Variants in DOCK7 observed in about 807,000 individuals in gnomAD.
DOCK7 encodes the protein dedicator of cytokinesis 7.
Under a neutral mutation model 271.0 loss-of-function variants are expected in DOCK7, and 138 were observed. That is an observed-to-expected ratio of 0.51 (90% CI 0.44 to 0.59). The LOEUF is 0.59. DOCK7 is among the 20% of genes least tolerant of loss of function. The probability of loss-of-function intolerance (pLI) is 0.00; values close to 1 mark genes in which losing one functional copy is unlikely to be tolerated. For synonymous variants in DOCK7, 823 were observed against 876.1 expected (o/e 0.94, Z 1.07); for missense variants, 2,066 against 2,592.4 (o/e 0.80, Z 4.41).
intron 44 of DOCK7, chr1:62,477,205 T>C (rs1279385199): frequency 6.6e-6 from 1 of 152,176 alleles, no homozygotes. Flanking sequence ...TAAAACGCAA[T>C]CATTTATGGT....
chr1:62,574,305 A>C (rs566763377), intron 18 of DOCK7, among the ~76,000 whole-genome samples: 1 of 152,318 alleles, frequency 6.6e-6, no homozygotes, highest in East Asian at 1.9e-4. Context: ...TCTAACAAAA[A>C]CCATCAAGCC....
intron 43 of DOCK7, chr1:62,485,361 C>A: frequency 1.2e-5 from 12 of 985,302 alleles, no homozygotes; most frequent in Non-Finnish European, 1.4e-5. Flanking sequence ...CACACACACA[C>A]CCTTCTAAAA....
intron 43 of DOCK7, chr1:62,485,225 C>T (rs1196557406): frequency 2.0e-6 from 2 of 985,338 alleles, no homozygotes; most frequent in South Asian, 9.4e-5. Flanking sequence ...ACTAAACAGC[C>T]ATTAAAGAAC....
intron 40 of DOCK7, 144 bp downstream of exon 40, chr1:62,494,131 T>C (rs184144783): frequency 3.1e-6 from 2 of 652,150 alleles, no homozygotes; most frequent in Admixed American, 3.3e-5. Flanking sequence ...TGACAATCAC[T>C]GTGAAATGTT....
intron 18 of DOCK7, among the ~76,000 whole-genome samples, chr1:62,563,863 CAAAAAAAAAAAAAAAAAAAAAAAAA>C (rs71045848): frequency 1.8e-4 from 7 of 38,840 alleles, no homozygotes; most frequent in South Asian, 2.3e-3. Context: ...ATTTACCAAG[CAAAAAAAAAAAAAAAAAAAAAAAAA>C]AAAAAAAAAA....
intron 37 of DOCK7, among the ~76,000 whole-genome samples, chr1:62,499,481 A>C (rs1309069286): frequency 6.6e-6 from 1 of 152,202 alleles, no homozygotes; most frequent in Non-Finnish European, 1.5e-5. Context: ...TAAGTTAGGA[A>C]GCAGTTCCAA....
At chr1:62,586,791 C>T (rs952149952) in intron 14 of DOCK7, among the ~76,000 whole-genome samples, 167 bp from the exon 15 acceptor site, 1 of 152,112 alleles carries the variant, frequency 6.6e-6, no homozygotes, top group Non-Finnish European at 1.5e-5. Context: ...TGAGAGCAAT[C>T]ATTCAAATAC....
intron 1 of DOCK7, among the ~76,000 whole-genome samples, chr1:62,665,432 G>A (rs1230688219): frequency 1.3e-5 from 2 of 152,022 alleles, no homozygotes; most frequent in Admixed American, 6.5e-5. Flanking sequence ...CAGGCCAGGC[G>A]CGGTGGCTCG....
chr1:62,515,081 T>C (rs2149343426), intron 31 of DOCK7, among the ~76,000 whole-genome samples: 1 of 152,048 alleles, frequency 6.6e-6, no homozygotes, highest in Non-Finnish European at 1.5e-5. Flanking sequence ...TATTAAGTTA[T>C]TTATCCTTCA....
intron 37 of DOCK7, 56 bp downstream of exon 37, chr1:62,504,574 C>T: frequency 6.5e-7 from 1 of 1,538,464 alleles, no homozygotes. Flanking sequence ...TAATAACTAT[C>T]AGCAGAAGTT....
chr1:62,518,159 G>C (rs1464195419), intron 31 of DOCK7, among the ~76,000 whole-genome samples: 1 of 152,198 alleles, frequency 6.6e-6, no homozygotes, highest in Non-Finnish European at 1.5e-5. Context: ...AAACTGGCTG[G>C]ATGTGGTGGC....
intron 35 of DOCK7, among the ~76,000 whole-genome samples, chr1:62,506,244 G>T (rs1646932108): frequency 6.6e-6 from 1 of 151,978 alleles, no homozygotes; most frequent in East Asian, 1.9e-4. Flanking sequence ...AATTTTAGCT[G>T]AAGACTTTGA....
intron 21 of DOCK7, 52 bp from the exon 22 acceptor site, chr1:62,552,953 G>A: frequency 7.5e-7 from 1 of 1,333,648 alleles, no homozygotes; most frequent in Non-Finnish European, 9.7e-7. Context: ...GTCAGGAAAG[G>A]ATCTGAAAAA....
intron 43 of DOCK7, chr1:62,479,721 T>A (rs1646065557): frequency 2.6e-6 from 1 of 383,144 alleles, no homozygotes; most frequent in Non-Finnish European, 5.4e-6. Flanking sequence ...TCTCACTCCA[T>A]TACCCAGACT....
At chr1:62,496,728 G>A (rs1646633415) in intron 37 of DOCK7, among the ~76,000 whole-genome samples, 1 of 152,038 alleles carries the variant, frequency 6.6e-6, no homozygotes, top group Admixed American at 6.5e-5. Flanking sequence ...ATGTGTTAAG[G>A]GTTGAATTAG....
At chr1:62,516,852 G>A (rs991215312) in intron 31 of DOCK7, 1 of 152,314 alleles carries the variant, frequency 6.6e-6, no homozygotes, top group African/African-American at 2.4e-5. Flanking sequence ...TATGACCTCT[G>A]AAACACATGG....
intron 14 of DOCK7, 136 bp from the exon 15 acceptor site, chr1:62,586,760 A>C: frequency 2.0e-6 from 1 of 491,198 alleles, no homozygotes. Context: ...GTATTTTCAC[A>C]TGTGACGTTT....
chr1:62,646,169 C>CA (rs199557710), intron 7 of DOCK7, among the ~76,000 whole-genome samples: 17,817 of 132,948 alleles, frequency 0.13, 1,193 homozygotes, highest in South Asian at 0.28. Context: ...AAAAAAAAAA[C>CA]AAAAAAAAAA....
chr1:62,626,087 A>C (rs1361237416), intron 11 of DOCK7, among the ~76,000 whole-genome samples: 3 of 152,192 alleles, frequency 2.0e-5, no homozygotes, highest in Non-Finnish European at 2.9e-5. Flanking sequence ...TAACAGAAGA[A>C]AATTTGGGGA....
Sources: gnomAD v4.1 joint callset for allele counts (sites outside exome capture counted in the v4.1 genomes callset) on GRCh38, gnomAD v4.1.1 for gene constraint, MANE v1.5 for transcripts, NCBI Gene and HGNC (gene_info 2026-07-23, HGNC 2026-07-21) for gene names.